Variants in CFAP299 observed in about 807,000 individuals in gnomAD.
CFAP299 encodes cilia and flagella associated protein 299, also known as cilia- and flagella-associated protein 299.
In CFAP299, 21 loss-of-function variants were observed where a neutral mutation model predicts 27.0. That is an observed-to-expected ratio of 0.78 (90% CI 0.55 to 1.12). The LOEUF (loss-of-function observed/expected upper bound fraction) is 1.12, where lower values mean the gene tolerates loss of function less well. Among genes scored for constraint, CFAP299 ranks in the 50% most tolerant of loss-of-function variants. CFAP299 has a pLI of 0.00. For missense variants in CFAP299, 310 were observed against 276.6 expected (o/e 1.12, Z -0.86); for synonymous variants, 104 against 98.1 (o/e 1.06, Z -0.36).
chr4:80,921,829 G>A (rs1228883956), intron 4 of CFAP299, among the ~76,000 whole-genome samples: 1 of 151,888 alleles, frequency 6.6e-6, no homozygotes, highest in African/African-American at 2.4e-5. Flanking sequence ...CCGATAAAGG[G>A]CCAATATATG....
chr4:80,690,259 C>G (rs1560700443), intron 3 of CFAP299, among the ~76,000 whole-genome samples: 1 of 150,500 alleles, frequency 6.6e-6, no homozygotes, highest in Non-Finnish European at 1.5e-5. Flanking sequence ...AGCACCACAC[C>G]ACACCTATTC....
In CFAP299 at chr4:80,766,326, CTG is replaced by C. The variant is rs563435743; in HGVS notation, c.334-103665_334-103664del. Among the ~76,000 whole-genome samples, 901 of 152,202 alleles carry C rather than the reference CTG, an allele frequency of 5.9e-3. 5 individuals are homozygous for C. The highest frequency in any genetic ancestry group is 8.1e-3 in the Non-Finnish European group (553 of 67,960). ...CAATAGAATACTGGAGTAAGCTAAA[CTG>C]TTGTTCAGGACTAAGATTGTACTTA... On this transcript the variant is annotated intron_variant, in intron 3 of 5. Coordinates refer to ENST00000358105, the MANE Select transcript of CFAP299 (RefSeq NM_152770.3).
intron 3 of CFAP299, among the ~76,000 whole-genome samples, chr4:80,601,848 A>G (rs1041254916): frequency 2.6e-5 from 4 of 152,226 alleles, no homozygotes; most frequent in African/African-American, 9.6e-5. Flanking sequence ...TCAATGATAG[A>G]CTGGATAAAG....
At chr4:80,947,214 GA>G (rs1226554050) in intron 5 of CFAP299, among the ~76,000 whole-genome samples, 1 of 152,074 alleles carries the variant, frequency 6.6e-6, no homozygotes, top group Non-Finnish European at 1.5e-5. Context: ...TAAATTTGAA[GA>G]AATTTTTTTC....
chr4:80,423,543 C>T (rs1013595730), intron 2 of CFAP299, among the ~76,000 whole-genome samples: 11 of 152,182 alleles, frequency 7.2e-5, no homozygotes. Flanking sequence ...GGGCTCCAGA[C>T]CCAGTGACTC....
At chr4:80,796,192 G>A (rs778470154) in intron 3 of CFAP299, among the ~76,000 whole-genome samples, 1 of 152,052 alleles carries the variant, frequency 6.6e-6, no homozygotes, top group African/African-American at 2.4e-5. Context: ...TTGTAGGAGG[G>A]GCCAAATGCA....
intron 2 of CFAP299, among the ~76,000 whole-genome samples, chr4:80,400,605 C>A (rs962488301): frequency 7.2e-5 from 11 of 152,134 alleles, no homozygotes; most frequent in African/African-American, 2.7e-4. Flanking sequence ...GATTCTGAGG[C>A]CTCCCCAGTG....
At chr4:80,778,455 T>C (rs1023858593) in intron 3 of CFAP299, among the ~76,000 whole-genome samples, 5 of 152,146 alleles carry the variant, frequency 3.3e-5, no homozygotes, top group African/African-American at 1.2e-4. Flanking sequence ...GTTTTTGTGA[T>C]AGCCTTGGAA....
intron 3 of CFAP299, among the ~76,000 whole-genome samples, chr4:80,626,307 A>G (rs1738901484): frequency 6.6e-6 from 1 of 152,004 alleles, no homozygotes; most frequent in South Asian, 2.1e-4. Flanking sequence ...GAAATTGGAA[A>G]GAAAATTTAA....
At chr4:80,450,943 G>C (rs766082427) in intron 2 of CFAP299, among the ~76,000 whole-genome samples, 8 of 151,738 alleles carry the variant, frequency 5.3e-5, no homozygotes, top group Admixed American at 6.6e-5. Flanking sequence ...GGGTGTGTGA[G>C]AGGAGGGGCC....
At chr4:80,390,613 ATGTATATATG>A (rs1725318795) in intron 2 of CFAP299, among the ~76,000 whole-genome samples, 1 of 127,254 alleles carries the variant, frequency 7.9e-6, no homozygotes, top group Non-Finnish European at 1.6e-5. Context: ...ATACACACAT[ATGTATATATG>A]TATATATGTA....
At chr4:80,387,571 T>C in intron 2 of CFAP299, 1 of 1,042,020 alleles carries the variant, frequency 9.6e-7, no homozygotes, top group Non-Finnish European at 1.5e-6. Flanking sequence ...CCTACTGGGG[T>C]TCAGGGCCAA....
At chr4:80,790,742 A>G (rs1241187097) in intron 3 of CFAP299, among the ~76,000 whole-genome samples, 1 of 152,066 alleles carries the variant, frequency 6.6e-6, no homozygotes, top group Non-Finnish European at 1.5e-5. Context: ...GTGCTCTATT[A>G]TAGCAGCCCA....
intron 3 of CFAP299, among the ~76,000 whole-genome samples, chr4:80,718,289 A>T (rs571213428): frequency 5.3e-5 from 8 of 152,234 alleles, no homozygotes; most frequent in African/African-American, 1.9e-4. Context: ...GTTCCTTCTG[A>T]GTCAAAGACC....
chr4:80,468,223 CTTT>C (rs113555359), intron 2 of CFAP299, among the ~76,000 whole-genome samples: 2 of 143,742 alleles, frequency 1.4e-5, no homozygotes, highest in Non-Finnish European at 1.5e-5. Context: ...GTTATAATTT[CTTT>C]TTTTTTTTTT....
intron 4 of CFAP299, among the ~76,000 whole-genome samples, chr4:80,876,217 C>T (rs1733368189): frequency 6.6e-6 from 1 of 151,072 alleles, no homozygotes; most frequent in Non-Finnish European, 1.5e-5. Flanking sequence ...AGGTTAGGGA[C>T]CTGATATGGT....
At chr4:80,585,177 A>C (rs1736370556) in intron 3 of CFAP299, among the ~76,000 whole-genome samples, 1 of 152,080 alleles carries the variant, frequency 6.6e-6, no homozygotes, top group South Asian at 2.1e-4. Context: ...CTGTGATAGG[A>C]TATAGTTAAG....
chr4:80,693,646 C>T (rs914042884), intron 3 of CFAP299, among the ~76,000 whole-genome samples: 1 of 150,878 alleles, frequency 6.6e-6, no homozygotes, highest in Non-Finnish European at 1.5e-5. Context: ...ACATATGTAA[C>T]TAACCTGCAC....
At chr4:80,393,891 A>G (rs1320115805) in intron 2 of CFAP299, among the ~76,000 whole-genome samples, 1 of 152,056 alleles carries the variant, frequency 6.6e-6, no homozygotes, top group Non-Finnish European at 1.5e-5. Flanking sequence ...CCCACGTGTC[A>G]AGAGTGGGAT....
Sources: gnomAD v4.1 joint callset for allele counts (sites outside exome capture counted in the v4.1 genomes callset) on GRCh38, gnomAD v4.1.1 for gene constraint, MANE v1.5 for transcripts, NCBI Gene and HGNC (gene_info 2026-07-23, HGNC 2026-07-21) for gene names.